Variants in ELFN2 observed in about 807,000 individuals in gnomAD.
ELFN2 encodes the protein protein phosphatase 1 regulatory subunit 29.
ELFN2 carries 17 observed loss-of-function variants against 45.5 expected under a neutral mutation model. The observed-to-expected ratio is 0.37, with a 90% CI of 0.26 to 0.56. The LOEUF (loss-of-function observed/expected upper bound fraction) is 0.56. Among genes scored for constraint, ELFN2 ranks in the 20% least tolerant of loss-of-function variants. The probability of loss-of-function intolerance (pLI) is 0.77; values close to 1 mark genes in which losing one functional copy is unlikely to be tolerated. For missense variants in ELFN2, 922 were observed against 1,183.2 expected, an observed-to-expected ratio of 0.78 and a Z score of 3.24; for synonymous variants, 550 against 551.5, an observed-to-expected ratio of 1.00 and a Z score of 0.04.
intron 2 of ELFN2, among the ~76,000 whole-genome samples, chr22:37,383,680 C>T (rs528327198): frequency 5.9e-5 from 9 of 152,360 alleles, no homozygotes; most frequent in African/African-American, 9.6e-5. Flanking sequence ...GTTGCTTACG[C>T]GTTCCACATG....
chr22:37,411,584 G>C (rs201826254), intron 2 of ELFN2, among the ~76,000 whole-genome samples: 1 of 64 alleles, frequency 0.016, no homozygotes. Flanking sequence ...AGCAAGCGGA[G>C]GCAGGAAGGG....
At chr22:37,343,967 G>T (rs1035145220) in intron 1 of ELFN2, among the ~76,000 whole-genome samples, 2 of 151,544 alleles carry the variant, frequency 1.3e-5, no homozygotes, top group African/African-American at 4.9e-5. Flanking sequence ...TGGGTGGAGG[G>T]GCCGAGGGCT....
chr22:37,364,709 C>G (rs1931163002), downstream of ELFN2, among the ~76,000 whole-genome samples: 1 of 152,212 alleles, frequency 6.6e-6, no homozygotes, highest in African/African-American at 2.4e-5. Context: ...CCATAACAAT[C>G]CAGGCCAAAT....
At chr22:37,396,956 G>A (rs1478069570) in intron 2 of ELFN2, among the ~76,000 whole-genome samples, 6 of 152,058 alleles carry the variant, frequency 3.9e-5, no homozygotes, top group Non-Finnish European at 7.4e-5. Flanking sequence ...TTTCCAGGCA[G>A]AGGGAGGCTT....
rs936018761 is a variant in ELFN2, at chr22:37,368,138, G to A, written c.*4934C>T. 1 of 152,372 alleles carries A rather than the reference G, an allele frequency of 6.6e-6. No homozygotes were observed. Among genetic ancestry groups the A allele is most frequent in the Non-Finnish European group, 1.5e-5 (1 of 68,152 alleles). The allele number at this position is 152,372 out of a possible 1,614,324, so 9.4% of individuals were successfully genotyped here. On this transcript the variant is annotated 3_prime_UTR_variant, in exon 3 of 3. Transcript: ENST00000402918. ...ACCCCCACCCCCAAAAGAAGAAAAGGAGAGGGTTCAAGGCCCTCAGAGGAA... is the reference window on the plus strand; with the variant it reads ...ACCCCCACCCCCAAAAGAAGAAAAGAAGAGGGTTCAAGGCCCTCAGAGGAA...
intron 1 of ELFN2, among the ~76,000 whole-genome samples, chr22:37,348,716 G>T (rs1307822591): frequency 6.6e-6 from 1 of 150,794 alleles, no homozygotes; most frequent in Non-Finnish European, 1.5e-5. Flanking sequence ...AGCTCCCGGG[G>T]CCCACCAATC....
At chr22:37,355,096 C>T (rs1290994881) in intron 1 of ELFN2, among the ~76,000 whole-genome samples, 3 of 152,194 alleles carry the variant, frequency 2.0e-5, no homozygotes, top group Non-Finnish European at 2.9e-5. Context: ...TTCTTTTCGG[C>T]GCTCTGCTGT....
chr22:37,392,911 C>G (rs1932120807), intron 2 of ELFN2, among the ~76,000 whole-genome samples: 1 of 152,238 alleles, frequency 6.6e-6, no homozygotes. Context: ...CCCCATTAAT[C>G]ATTCAGACAC....
At position 37,375,624 on chromosome 22, in the gene ELFN2, C is replaced by T. The variant is rs1434521970; in HGVS notation, c.-90G>A. ...CTGGCAGTACAGTCCTCCCTGGGGC[C>T]GCCACCATCTTGGGGGCGACCCCCA... is the stretch of plus-strand genomic sequence containing the variant. On this transcript the variant is annotated 5_prime_UTR_variant, in exon 3 of 3. Transcript: ENST00000402918. The T allele has an allele frequency of 7.0e-6, 10 of 1,424,304 alleles. No homozygotes were observed. The highest frequency in any genetic ancestry group is 5.7e-5 in the Admixed American group (2 of 35,290). The allele number at this position is 1,424,304 out of a possible 1,614,324, so 88.2% of individuals were successfully genotyped here. A position where few individuals can be genotyped will look rare whatever the true frequency, so the allele number is the denominator to read the frequency against.
At chr22:37,378,003 C>T (rs75464521) in intron 2 of ELFN2, among the ~76,000 whole-genome samples, 2,413 of 152,320 alleles carry the variant, frequency 0.016, 30 homozygotes, top group Non-Finnish European at 0.023. Flanking sequence ...ATCCACGAGC[C>T]GGCCTGTCAG....
At chr22:37,399,024 T>C (rs1412066761) in intron 2 of ELFN2, among the ~76,000 whole-genome samples, 2 of 152,024 alleles carry the variant, frequency 1.3e-5, no homozygotes, top group African/African-American at 4.8e-5. Context: ...AGACACAGCG[T>C]CCAGCCTTTT....
intron 1 of ELFN2, chr22:37,420,380 C>G (rs755970982): frequency 1.3e-5 from 2 of 152,586 alleles, no homozygotes; most frequent in Non-Finnish European, 2.9e-5. Flanking sequence ...CACCGCTACG[C>G]GGCTGTGCGT....
At chr22:37,412,803 C>T (rs1932680258) in intron 2 of ELFN2, among the ~76,000 whole-genome samples, 1 of 152,234 alleles carries the variant, frequency 6.6e-6, no homozygotes, top group Non-Finnish European at 1.5e-5. Context: ...ACAGCCCCTC[C>T]AGGTCCAGCC....
In ELFN2 at chr22:37,417,290, G is replaced by A. The variant is rs780102063; in HGVS notation, c.-463+479C>T. ...CAGGCCCCATATCAATTCTGCTGGC[G>A]TTTTCCCCTGCTCCCGGCTCACTTC... On this transcript the variant is annotated intron_variant, in intron 2 of 2. Coordinates refer to ENST00000402918, the MANE Select transcript of ELFN2 (RefSeq NM_052906.5). The surrounding 1 kb of genome is among the most constrained non-coding windows in gnomAD (Gnocchi z 4.5). Among the ~76,000 whole-genome samples, 11 of 152,178 alleles carry A rather than the reference G, an allele frequency of 7.2e-5. No individual in the cohort carries two copies. The highest frequency in any genetic ancestry group is 5.9e-4 in the Admixed American group (9 of 15,270).
At chr22:37,426,650 AACAC>A (rs3041620) in intron 1 of ELFN2, among the ~76,000 whole-genome samples, 55,212 of 143,986 alleles carry the variant, frequency 0.38, 10,998 homozygotes, top group Middle Eastern at 0.49. Flanking sequence ...CACACACACA[AACAC>A]ACACACACAC....
chr22:37,386,830 C>A (rs766122320), intron 2 of ELFN2, among the ~76,000 whole-genome samples: 3 of 152,188 alleles, frequency 2.0e-5, no homozygotes, highest in Non-Finnish European at 4.4e-5. Context: ...GCTGCCAAAG[C>A]GCAGGGTCCA....
intron 2 of ELFN2, among the ~76,000 whole-genome samples, chr22:37,392,476 C>T (rs1932109168): frequency 6.6e-6 from 1 of 152,182 alleles, no homozygotes; most frequent in African/African-American, 2.4e-5. Context: ...CGCCACCACA[C>T]CCAGCTAATT....
chr22:37,365,900 A>G, downstream of ELFN2, among the ~76,000 whole-genome samples: 1 of 68,476 alleles, frequency 1.5e-5, no homozygotes, highest in African/African-American at 5.9e-5. Flanking sequence ...TTGTGTCACG[A>G]TATCTGAGCA....
At position 37,374,880 on chromosome 22, in the gene ELFN2, G is replaced by A. The variant is rs187222832; in HGVS notation, c.655C>T (p.Arg219Trp). ...NYDRLQCESP[R>W]EFAGYPLLVP... is the part of the protein sequence containing the mutation. Reference sequence around the variant, plus strand: ...AGCAGCGGGTAGCCGGCAAACTCCCGCGGCGACTCACACTGCAGGCGGTCG... The same window carrying A: ...AGCAGCGGGTAGCCGGCAAACTCCCACGGCGACTCACACTGCAGGCGGTCG... The change falls in exon 3 of 3, where the codon CGG becomes TGG. Residue 219 changes from arginine to tryptophan, a missense_variant. This residue lies in a region of ELFN2 where 358 missense variants were observed against 540.4 expected (regional missense o/e 0.66). Coordinates refer to ENST00000402918, the MANE Select transcript of ELFN2 (RefSeq NM_052906.5). 34 of 1,610,520 alleles carry A rather than the reference G, an allele frequency of 2.1e-5. No individual in the cohort carries two copies. The highest frequency in any genetic ancestry group is 6.7e-5 in the East Asian group (3 of 44,872).
Sources: allele counts gnomAD v4.1 joint callset (sites outside exome capture counted in the v4.1 genomes callset), GRCh38; gene constraint gnomAD v4.1.1; regional missense constraint gnomAD v4.1.1; non-coding constraint Gnocchi (gnomAD v3.1); transcripts MANE v1.5; gene names NCBI Gene and HGNC (gene_info 2026-07-23, HGNC 2026-07-21).